Variants in STRN4 observed in about 807,000 individuals in gnomAD.
STRN4 encodes striatin-4.
A neutral mutation model predicts 77.9 loss-of-function variants in STRN4; 27 were observed. The ratio of observed to expected loss-of-function variants is 0.35; its 90% CI spans 0.26 to 0.48. The LOEUF is 0.48. Among genes scored for constraint, STRN4 ranks in the 20% least tolerant of loss-of-function variants. The pLI, the probability that STRN4 is intolerant of heterozygous loss-of-function variation, is 0.99. For missense variants in STRN4, 798 were observed against 1,049.7 expected, an observed-to-expected ratio of 0.76 and a Z score of 3.31; for synonymous variants, 466 against 443.1, an observed-to-expected ratio of 1.05 and a Z score of -0.65.
chr19:46,720,385 C>A (rs1221836279), intron 17 of STRN4, 47 bp from the exon 18 acceptor site: 7 of 468,590 alleles, frequency 1.5e-5, no homozygotes, highest in South Asian at 7.8e-5. Flanking sequence ...GCCTCTAGGG[C>A]GCCTCTAAGG....
intron 5 of STRN4, chr19:46,732,081 C>T (rs2054268171): frequency 1.3e-5 from 2 of 152,306 alleles, no homozygotes; most frequent in African/African-American, 4.8e-5. Flanking sequence ...ACCCTGGAGT[C>T]GCTCGTTTCT....
rs1434686470 is a variant in STRN4, at chr19:46,746,388, A to AGGCGGC, written c.37_42dup (p.Ala13_Ala14dup). ...CCTGAGCCGAGCGGACGGCAGGAGG[A>AGGCGGC]GGCGGCGGCGGCGACCGCGGCGGCC... is the stretch of plus-strand genomic sequence containing the variant. On this transcript the variant is annotated inframe_insertion, in exon 1 of 18. Coordinates refer to ENST00000263280, the MANE Select transcript of STRN4 (RefSeq NM_013403.3). 2,050 of 1,064,774 alleles carry AGGCGGC rather than the reference A, an allele frequency of 1.9e-3. 4 individuals are homozygous for AGGCGGC. The highest frequency in any genetic ancestry group is 2.2e-3 in the Non-Finnish European group (1,974 of 886,070). The allele number at this position is 1,064,774 out of a possible 1,614,324, so 66.0% of individuals were successfully genotyped here. A position where few individuals can be genotyped will look rare whatever the true frequency, so the allele number is the denominator to read the frequency against.
At position 46,723,411 on chromosome 19, in the gene STRN4, C is replaced by A. The variant is rs995993267; in HGVS notation, c.1595-127G>T. 1.7e-5 allele frequency: 20 copies of A among 1,198,434 alleles called. No individual in the cohort carries two copies. The Admixed American group carries it at 5.5e-4, about 33-fold the overall frequency. The allele number at this position is 1,198,434 out of a possible 1,614,324, so 74.2% of individuals were successfully genotyped here. A position where few individuals can be genotyped will look rare whatever the true frequency, so the allele number is the denominator to read the frequency against. The stretch of plus-strand genomic sequence containing the variant: ...CAATCACCCACGCACCCACTTCACA[C>A]CTGGTGCCCCTCGGAACTGTCCACT... On this transcript the variant is annotated intron_variant, in intron 12 of 17. Coordinates refer to ENST00000263280, the MANE Select transcript of STRN4 (RefSeq NM_013403.3). The surrounding 1 kb of genome is among the most constrained non-coding windows in gnomAD (Gnocchi z 5.5).
intron 1 of STRN4, chr19:46,745,919 T>G: frequency 2.6e-6 from 1 of 377,944 alleles, no homozygotes; most frequent in East Asian, 5.0e-5. Context: ...CCACCCCCGG[T>G]CCCTCCACTC....
chr19:46,724,982 T>G, intron 11 of STRN4, 54 bp from the exon 12 acceptor site: 1 of 1,610,842 alleles, frequency 6.2e-7, no homozygotes, highest in Non-Finnish European at 8.5e-7. Context: ...GGGCCTCCCC[T>G]GGCCACAGGA....
chr19:46,724,249 CAAAAAAAAAAAAAA>C (rs71970589), intron 12 of STRN4, among the ~76,000 whole-genome samples: 1 of 87,204 alleles, frequency 1.1e-5, no homozygotes, highest in Non-Finnish European at 2.1e-5. Flanking sequence ...CTCTTTGTCT[CAAAAAAAAAAAAAA>C]AAAAAAAAAA....
In STRN4 at chr19:46,738,376, C is replaced by A; in HGVS notation, c.387-139G>T. 1 of 850,530 alleles carries A rather than the reference C, an allele frequency of 1.2e-6. No homozygotes were observed. Among genetic ancestry groups the A allele is most frequent in the Non-Finnish European group, 1.9e-6 (1 of 521,600 alleles). 52.7% of individuals were successfully genotyped at this position (850,530 alleles called of 1,614,324 possible). On this transcript the variant is annotated intron_variant, in intron 2 of 17. Transcript: ENST00000263280. This position sits in a 1 kb window ranked among gnomAD's most constrained non-coding sequence, Gnocchi z 4.5. ...CTACTACTGAGGCTGAAGCATCCCC[C>A]CACACCCCTGGCCTGGTGGAAGAAA...
rs1445040840 is a variant in STRN4, at chr19:46,738,573, G to T, written c.386+212C>A. ...CTATACGATATTTGGCGCACAGTGG[G>T]CCACTAGCATCGTGAATATCGTTCC... On this transcript the variant is annotated intron_variant, in intron 2 of 17. Coordinates refer to ENST00000263280, the MANE Select transcript of STRN4 (RefSeq NM_013403.3). This position sits in a 1 kb window ranked among gnomAD's most constrained non-coding sequence, Gnocchi z 4.5. Among the ~76,000 whole-genome samples the T allele has an allele frequency of 1.3e-5, 2 of 152,200 alleles. No homozygotes were observed. Among genetic ancestry groups the T allele is most frequent in the East Asian group, 3.8e-4 (2 of 5,196 alleles).
Position 46,738,678 on chromosome 19 carries a change from G to A in STRN4, c.386+107C>T, listed in dbSNP as rs2054416783. Reference sequence around the variant, plus strand: ...TGGTACTGGAATGATGGAAAAGAATGTCGACCCCAAATCTCCCTTAGCTGG... The same window carrying A: ...TGGTACTGGAATGATGGAAAAGAATATCGACCCCAAATCTCCCTTAGCTGG... On this transcript the variant is annotated intron_variant, in intron 2 of 17. Transcript: ENST00000263280. This position sits in a 1 kb window ranked among gnomAD's most constrained non-coding sequence, Gnocchi z 4.5. 3.9e-6 allele frequency: 4 copies of A among 1,035,292 alleles called. No homozygotes were observed. The highest frequency in any genetic ancestry group is 6.0e-6 in the Non-Finnish European group (4 of 667,116). 64.1% of individuals were successfully genotyped at this position (1,035,292 alleles called of 1,614,324 possible). A position where few individuals can be genotyped will look rare whatever the true frequency, so the allele number is the denominator to read the frequency against.
Position 46,741,695 on chromosome 19 carries a change from C to G in STRN4, c.283-2807G>C, listed in dbSNP as rs1278610555. Reference sequence around the variant, plus strand: ...CCTTCTGATACCTGGCAGCTACTGCCTCTCCGCCCCTCCAGCTATTCCCAG... The same window carrying G: ...CCTTCTGATACCTGGCAGCTACTGCGTCTCCGCCCCTCCAGCTATTCCCAG... On this transcript the variant is annotated intron_variant, in intron 1 of 17. Coordinates refer to ENST00000263280, the MANE Select transcript of STRN4 (RefSeq NM_013403.3). The surrounding 1 kb of genome is among the most constrained non-coding windows in gnomAD (Gnocchi z 4.9). Among the ~76,000 whole-genome samples, 1 of 152,208 alleles carries G rather than the reference C, an allele frequency of 6.6e-6. No individual in the cohort carries two copies. Among genetic ancestry groups the G allele is most frequent in the Non-Finnish European group, 1.5e-5 (1 of 68,046 alleles).
chr19:46,723,289 A>T lies in STRN4; in HGVS notation c.1595-5T>A. Reference sequence around the variant, plus strand: ...CGTGGCTCAGCACGCTTGGGTCTGCACCCACCGCAGGGAGGAAATGGGCTG... The same window carrying T: ...CGTGGCTCAGCACGCTTGGGTCTGCTCCCACCGCAGGGAGGAAATGGGCTG... On this transcript the variant is annotated splice_region_variant and splice_polypyrimidine_tract_variant and intron_variant, in intron 12 of 17. Transcript: ENST00000263280. The surrounding 1 kb of genome is among the most constrained non-coding windows in gnomAD (Gnocchi z 5.5). 1 of 1,536,432 alleles carries T rather than the reference A, an allele frequency of 6.5e-7. No homozygotes were observed.
At chr19:46,736,734 G>C (rs1232226539) in intron 4 of STRN4, 89 bp downstream of exon 4, 30 of 1,319,880 alleles carry the variant, frequency 2.3e-5, no homozygotes, top group Non-Finnish European at 3.1e-5. Flanking sequence ...ATCCCCAGTG[G>C]GGACGGAAAA....
At chr19:46,730,174 GCCT>G (rs1482719306) in intron 6 of STRN4, among the ~76,000 whole-genome samples, 3 of 152,244 alleles carry the variant, frequency 2.0e-5, no homozygotes, top group Non-Finnish European at 4.4e-5. Flanking sequence ...CTTCCTCTAG[GCCT>G]CCTGCAGTGC....
At chr19:46,740,416 A>T (rs2054453465) in intron 1 of STRN4, 1 of 152,094 alleles carries the variant, frequency 6.6e-6, no homozygotes, top group African/African-American at 2.4e-5. Context: ...TAAACATCCA[A>T]GGCCAGACAG....
In STRN4 at chr19:46,746,134, C is replaced by T. The variant is rs770147043; in HGVS notation, c.282+15G>A. On this transcript the variant is annotated intron_variant, in intron 1 of 17. Coordinates refer to ENST00000263280, the MANE Select transcript of STRN4 (RefSeq NM_013403.3). ...GGGCCGGGTTGGGGGTCGGGGGTCC[C>T]GGGACAGCGCTCACCTGTAACTCGG... 2.0e-6 allele frequency: 3 copies of T among 1,494,262 alleles called. No individual in the cohort carries two copies. Among genetic ancestry groups the T allele is most frequent in the Admixed American group, 2.2e-5 (1 of 45,724 alleles). 92.6% of individuals were successfully genotyped at this position (1,494,262 alleles called of 1,614,324 possible). A position where few individuals can be genotyped will look rare whatever the true frequency, so the allele number is the denominator to read the frequency against.
chr19:46,724,764 G>A, intron 12 of STRN4, 43 bp downstream of exon 12: 1 of 1,613,396 alleles, frequency 6.2e-7, no homozygotes, highest in Non-Finnish European at 8.5e-7. Flanking sequence ...GGACGGCCAG[G>A]CCCCAGTGGA....
At chr19:46,728,354 C>G (rs1484680037) in intron 7 of STRN4, 1 of 591,298 alleles carries the variant, frequency 1.7e-6, no homozygotes, top group Non-Finnish European at 3.0e-6. Context: ...CCAGCCAGAG[C>G]TGGACGCCCG....
At chr19:46,743,177 G>T (rs1392987981) in intron 1 of STRN4, among the ~76,000 whole-genome samples, 2 of 152,102 alleles carry the variant, frequency 1.3e-5, no homozygotes, top group African/African-American at 2.4e-5. Context: ...TTCTCTCTCA[G>T]GAGAGAAGAG....
At chr19:46,726,308 C>CT (rs1415538231) in intron 9 of STRN4, 1 of 152,414 alleles carries the variant, frequency 6.6e-6, no homozygotes, top group Non-Finnish European at 1.5e-5. Context: ...AACGACATGG[C>CT]TTGTTCCTGC....
Sources: gnomAD v4.1 joint callset for allele counts (sites outside exome capture counted in the v4.1 genomes callset) on GRCh38, gnomAD v4.1.1 for gene constraint, Gnocchi (gnomAD v3.1) non-coding constraint, MANE v1.5 for transcripts, NCBI Gene and HGNC (gene_info 2026-07-23, HGNC 2026-07-21) for gene names.